UGT1A9: variants seen among roughly 807,000 people sequenced by gnomAD.
The protein encoded by UGT1A9 is UDP glucuronosyltransferase family 1 member A9.
Under a neutral mutation model 45.0 loss-of-function variants are expected in UGT1A9, and 35 were observed. The ratio of observed to expected loss-of-function variants is 0.78; its 90% CI spans 0.59 to 1.03. UGT1A9 has a LOEUF of 1.03. UGT1A9 is among the 50% of genes least tolerant of loss of function. The pLI, the probability that UGT1A9 is intolerant of heterozygous loss-of-function variation, is 0.00. For missense variants in UGT1A9, 687 were observed against 666.6 expected, an observed-to-expected ratio of 1.03 and a Z score of -0.34; for synonymous variants, 278 against 250.6, an observed-to-expected ratio of 1.11 and a Z score of -1.03.
intron 1 of UGT1A9, among the ~76,000 whole-genome samples, chr2:233,725,204 A>AGAGGCAGAG (rs1559370312): frequency 1.2e-4 from 10 of 85,258 alleles, no homozygotes; most frequent in African/African-American, 8.3e-4. Context: ...AGGCAGAGGC[A>AGAGGCAGAG]GAGGCAGAGG....
At chr2:233,739,849 C>T (rs1691223512) in intron 1 of UGT1A9, among the ~76,000 whole-genome samples, 2 of 151,976 alleles carry the variant, frequency 1.3e-5, no homozygotes, top group Admixed American at 1.3e-4. Context: ...TTGGGATGGG[C>T]CAGAGGGCAG....
chr2:233,696,415 T>C (rs2075342407), intron 1 of UGT1A9, among the ~76,000 whole-genome samples: 1 of 152,248 alleles, frequency 6.6e-6, no homozygotes, highest in Admixed American at 6.5e-5. Context: ...GTTGATTTCC[T>C]TTTCAGTTTT....
At chr2:233,689,950 A>C (rs2074967495) in intron 1 of UGT1A9, 1 of 456,442 alleles carries the variant, frequency 2.2e-6, no homozygotes, top group Non-Finnish European at 4.4e-6. Flanking sequence ...ATTTTCCTTT[A>C]TTTCCATGCT....
intron 1 of UGT1A9, chr2:233,718,623 G>A (rs1281711935): frequency 9.0e-6 from 8 of 892,530 alleles, no homozygotes; most frequent in Non-Finnish European, 1.1e-5. Context: ...AGGCGTGATT[G>A]GTCTTTCCCA....
intron 1 of UGT1A9, among the ~76,000 whole-genome samples, chr2:233,727,195 C>T (rs2077591611): frequency 6.6e-6 from 1 of 152,150 alleles, no homozygotes; most frequent in Non-Finnish European, 1.5e-5. Flanking sequence ...GCTGGGGTGA[C>T]CTCACTGACA....
At chr2:233,766,233 G>A (rs1441393259) in intron 1 of UGT1A9, among the ~76,000 whole-genome samples, 4 of 152,090 alleles carry the variant, frequency 2.6e-5, no homozygotes, top group African/African-American at 9.7e-5. Context: ...AATGGGAAGG[G>A]TTTCCCCTGG....
chr2:233,685,233 A>C (rs1021314023), intron 1 of UGT1A9, among the ~76,000 whole-genome samples: 6 of 152,146 alleles, frequency 3.9e-5, no homozygotes. Flanking sequence ...GGGTTTCACC[A>C]TGTTGGCCAG....
At chr2:233,690,156 A>C (rs1379009304) in intron 1 of UGT1A9, among the ~76,000 whole-genome samples, 1 of 152,236 alleles carries the variant, frequency 6.6e-6, no homozygotes, top group Non-Finnish European at 1.5e-5. Context: ...GGATTCATTG[A>C]CATGTAGTTA....
chr2:233,729,562 T>C lies in UGT1A9; in HGVS notation c.856-37472T>C, dbSNP rs201451179. ...GATCAGGCACCTGAATGCTACTTCC[T>C]TTGATGTGGTTTTAACAGACCCCGT... On this transcript the variant is annotated intron_variant, in intron 1 of 4. Transcript: ENST00000354728. 8.7e-6 allele frequency: 14 copies of C among 1,614,160 alleles called. No homozygotes were observed. The East Asian group carries it at 3.1e-4, about 36-fold the overall frequency.
intron 1 of UGT1A9, among the ~76,000 whole-genome samples, chr2:233,707,312 T>C (rs1475084674): frequency 1.3e-5 from 2 of 152,156 alleles, no homozygotes; most frequent in African/African-American, 4.8e-5. Flanking sequence ...GTTTGTTACA[T>C]AGCTAAACAT....
At chr2:233,716,488 C>G (rs371843932) in intron 1 of UGT1A9, among the ~76,000 whole-genome samples, 4 of 152,302 alleles carry the variant, frequency 2.6e-5, no homozygotes, top group African/African-American at 9.6e-5. Flanking sequence ...CCGTAGTCTT[C>G]TATTCTCCAG....
intron 1 of UGT1A9, chr2:233,754,390 C>T (rs1695467678): frequency 3.3e-6 from 1 of 303,086 alleles, no homozygotes; most frequent in Admixed American, 4.5e-5. Context: ...AACAGAGGTC[C>T]TATCCGTGCA....
intron 1 of UGT1A9, chr2:233,708,796 T>G (rs1300291034): frequency 6.6e-6 from 1 of 151,050 alleles, no homozygotes; most frequent in African/African-American, 2.4e-5. Context: ...ATCACTTTAT[T>G]TGGGCAACTT....
rs191217588 is a variant in UGT1A9 at position 233,679,346 on chromosome 2, T to G, written c.855+6557T>G. Among the ~76,000 whole-genome samples the G allele has an allele frequency of 6.8e-4, 103 of 152,320 alleles. 1 individual carries two copies. The highest frequency in any genetic ancestry group is 2.0e-3 in the African/African-American group (82 of 41,572). On this transcript the variant is annotated intron_variant, in intron 1 of 4. Coordinates refer to ENST00000354728, the MANE Select transcript of UGT1A9 (RefSeq NM_021027.3). Reference sequence around the variant, plus strand: ...CGCGTTCTTATTGTTGAGTCCTTCTTTTTGTACAACAATAAAACTGTCAGT... The same window carrying G: ...CGCGTTCTTATTGTTGAGTCCTTCTGTTTGTACAACAATAAAACTGTCAGT...
At chr2:233,713,501 G>A (rs771192795) in intron 1 of UGT1A9, 5 of 1,613,952 alleles carry the variant, frequency 3.1e-6, no homozygotes, top group Admixed American at 1.7e-5. Context: ...TTCCTGCTGT[G>A]TTTTTCTTGA....
intron 4 of UGT1A9, among the ~76,000 whole-genome samples, chr2:233,771,773 T>C (rs1700376889): frequency 6.6e-6 from 1 of 152,072 alleles, no homozygotes; most frequent in Non-Finnish European, 1.5e-5. Context: ...CGTCCCTCTC[T>C]CCTTTCCTCT....
At chr2:233,748,084 G>T in intron 1 of UGT1A9, 7 of 1,613,070 alleles carry the variant, frequency 4.3e-6, no homozygotes, top group Non-Finnish European at 5.9e-6. Flanking sequence ...TCTCAGGTCG[G>T]TGTTCGTGCC....
At chr2:233,700,589 G>GAT (rs2075574191) in intron 1 of UGT1A9, among the ~76,000 whole-genome samples, 2 of 152,036 alleles carry the variant, frequency 1.3e-5, no homozygotes. Flanking sequence ...AATTTATTAT[G>GAT]ATACAATTCA....
At chr2:233,761,999 A>C (rs1449541079) in intron 1 of UGT1A9, among the ~76,000 whole-genome samples, 1 of 152,130 alleles carries the variant, frequency 6.6e-6, no homozygotes, top group Non-Finnish European at 1.5e-5. Flanking sequence ...TATTTCCACT[A>C]TACCTCCAAT....
Sources: gnomAD v4.1 joint callset for allele counts (sites outside exome capture counted in the v4.1 genomes callset) on GRCh38, gnomAD v4.1.1 for gene constraint, MANE v1.5 for transcripts, NCBI Gene and HGNC (gene_info 2026-07-23, HGNC 2026-07-21) for gene names.